The following RBFOX1 variants were observed in gnomAD, a reference collection of about 807,000 sequenced individuals.
RBFOX1 encodes the protein RNA binding fox-1 homolog 1, also known as RNA binding protein fox-1 homolog 1.
In RBFOX1, 8 loss-of-function variants were observed where a neutral mutation model predicts 57.7. The observed-to-expected ratio is 0.14, with a 90% CI of 0.08 to 0.25. The LOEUF is 0.25. Ranked by LOEUF, RBFOX1 falls within the 10% of genes least tolerant of loss-of-function variation. The probability of loss-of-function intolerance (pLI) is 1.00; values close to 1 mark genes in which losing one functional copy is unlikely to be tolerated. For missense variants in RBFOX1, 611 were observed against 548.5 expected, an observed-to-expected ratio of 1.11 and a Z score of -1.14; for synonymous variants, 326 against 222.4, an observed-to-expected ratio of 1.47 and a Z score of -4.15.
rs998671763 is a variant in RBFOX1, at chr16:5,947,826, C to G, written c.351+80491C>G. 2.0e-5 allele frequency among the ~76,000 whole-genome samples: 3 copies of G among 152,164 alleles called. No individual in the cohort carries two copies. The highest frequency in any genetic ancestry group is 2.9e-5 in the Non-Finnish European group (2 of 68,044). On this transcript the variant is annotated intron_variant, in intron 4 of 19. Coordinates refer to the RBFOX1 transcript ENST00000641259. This position sits in a 1 kb window ranked among gnomAD's most constrained non-coding sequence, Gnocchi z 7.2. ...ATGGTGATAATGGAAACCTAAGTTGCTTTTTAAATTTGCTAAAAGTACCTG... is the reference window on the plus strand; with the variant it reads ...ATGGTGATAATGGAAACCTAAGTTGGTTTTTAAATTTGCTAAAAGTACCTG...
intron 4 of RBFOX1, among the ~76,000 whole-genome samples, chr16:7,255,370 A>G (rs2094636291): frequency 6.6e-6 from 1 of 152,208 alleles, no homozygotes; most frequent in Admixed American, 6.5e-5. Flanking sequence ...AATAATAGTG[A>G]CTACTTGGTA....
chr16:7,078,325 C>T (rs983245576), intron 4 of RBFOX1, among the ~76,000 whole-genome samples: 3 of 152,114 alleles, frequency 2.0e-5, no homozygotes, highest in Non-Finnish European at 4.4e-5. Flanking sequence ...AAATGGCTTT[C>T]TCTTGTTTAT....
intron 3 of RBFOX1, among the ~76,000 whole-genome samples, chr16:6,709,685 G>T (rs543698628): frequency 1.1e-4 from 17 of 152,158 alleles, no homozygotes; most frequent in Non-Finnish European, 2.4e-4. Flanking sequence ...GGTGCTGAAG[G>T]GTTTATTGTA....
At chr16:7,290,126 C>T (rs1397750142) in intron 4 of RBFOX1, among the ~76,000 whole-genome samples, 1 of 152,082 alleles carries the variant, frequency 6.6e-6, no homozygotes, top group Middle Eastern at 3.2e-3. Context: ...ATAAATGTTA[C>T]AGAAAATTCC....
intron 3 of RBFOX1, among the ~76,000 whole-genome samples, chr16:6,840,912 AG>A (rs1342445289): frequency 2.6e-5 from 4 of 151,336 alleles, no homozygotes; most frequent in African/African-American, 4.9e-5. Context: ...AAACGAAAAA[AG>A]GTTTGAGAGA....
chr16:7,504,767 A>T (rs1189428173), intron 4 of RBFOX1, among the ~76,000 whole-genome samples: 8 of 11,276 alleles, frequency 7.1e-4, no homozygotes, highest in Admixed American at 2.2e-3. Flanking sequence ...ATATATATAT[A>T]TATTTATATA....
chr16:7,507,207 T>C (rs1204225629), intron 4 of RBFOX1, among the ~76,000 whole-genome samples: 1 of 152,200 alleles, frequency 6.6e-6, no homozygotes, highest in Non-Finnish European at 1.5e-5. Flanking sequence ...CCTATCATAG[T>C]GTTTTTCCAT....
intron 3 of RBFOX1, among the ~76,000 whole-genome samples, chr16:6,863,519 A>T: frequency 6.6e-6 from 1 of 152,072 alleles, no homozygotes; most frequent in Non-Finnish European, 1.5e-5. Context: ...ACTGTGTTTT[A>T]ATACTAATTA....
chr16:7,386,901 C>G (rs543506807), intron 4 of RBFOX1, among the ~76,000 whole-genome samples: 2 of 152,220 alleles, frequency 1.3e-5, no homozygotes, highest in South Asian at 4.2e-4. Context: ...TGTTTTCTGA[C>G]TTTTTAATGA....
At chr16:5,253,815 A>G (rs2062517210) in intron 1 of RBFOX1, among the ~76,000 whole-genome samples, 1 of 152,122 alleles carries the variant, frequency 6.6e-6, no homozygotes, top group South Asian at 2.1e-4. Flanking sequence ...GGGCCTTTGC[A>G]CATCCTGCTC....
Position 6,899,350 on chromosome 16 carries a change from A to C in RBFOX1, c.-15-152707A>C, listed in dbSNP as rs554054001. ...CCTTGCATTCCATTTTCTATTTAGC[A>C]TCAGGCATTTTCTTCTTCCCTAGGC... On this transcript the variant is annotated intron_variant, in intron 3 of 15. Coordinates refer to ENST00000550418, the MANE Select transcript of RBFOX1 (RefSeq NM_018723.4). Among the ~76,000 whole-genome samples the C allele has an allele frequency of 1.3e-4, 20 of 152,270 alleles. No individual in the cohort carries two copies. In the South Asian group the frequency reaches 3.9e-3, roughly 30 times the overall value.
intron 3 of RBFOX1, among the ~76,000 whole-genome samples, chr16:6,766,071 A>G (rs1249750634): frequency 6.6e-6 from 1 of 152,128 alleles, no homozygotes; most frequent in Non-Finnish European, 1.5e-5. Context: ...CCTAGATTTC[A>G]ACACTATGCA....
intron 2 of RBFOX1, among the ~76,000 whole-genome samples, chr16:6,652,340 C>T (rs1362491433): frequency 2.6e-5 from 4 of 151,968 alleles, no homozygotes; most frequent in Non-Finnish European, 2.9e-5. Context: ...CCCAGCTACT[C>T]GGGAGGCTGA....
intron 1 of RBFOX1, among the ~76,000 whole-genome samples, chr16:6,240,017 C>G (rs1598706672): frequency 6.6e-6 from 1 of 152,094 alleles, no homozygotes. Flanking sequence ...TCTCTCAAGG[C>G]TTGGTGCTGT....
At chr16:6,791,175 G>A (rs1413311398) in intron 3 of RBFOX1, among the ~76,000 whole-genome samples, 1 of 152,042 alleles carries the variant, frequency 6.6e-6, no homozygotes, top group African/African-American at 2.4e-5. Flanking sequence ...CCAAAGTGCT[G>A]GGGTTACTGG....
chr16:6,274,683 A>G (rs890597633), intron 1 of RBFOX1, among the ~76,000 whole-genome samples: 30 of 152,202 alleles, frequency 2.0e-4, no homozygotes, highest in African/African-American at 7.0e-4. Context: ...CCCTTGTGGG[A>G]GGAACTAGGT....
At chr16:6,477,687 A>G (rs1253302241) in intron 2 of RBFOX1, among the ~76,000 whole-genome samples, 1 of 152,218 alleles carries the variant, frequency 6.6e-6, no homozygotes, top group Non-Finnish European at 1.5e-5. Context: ...TAAGAGCGTC[A>G]GCTTGTCCTT....
At chr16:6,513,352 G>C (rs978542055) in intron 2 of RBFOX1, among the ~76,000 whole-genome samples, 1 of 151,732 alleles carries the variant, frequency 6.6e-6, no homozygotes, top group Admixed American at 6.6e-5. Context: ...TTTGTGCTTG[G>C]ATAGCATTCC....
intron 1 of RBFOX1, among the ~76,000 whole-genome samples, chr16:5,396,943 C>G (rs1047340227): frequency 1.3e-5 from 2 of 152,206 alleles, no homozygotes; most frequent in African/African-American, 2.4e-5. Context: ...TCAGACACCC[C>G]TGGATATGTT....
Sources: gnomAD v4.1 joint callset for allele counts (sites outside exome capture counted in the v4.1 genomes callset) on GRCh38, gnomAD v4.1.1 for gene constraint, Gnocchi (gnomAD v3.1) non-coding constraint, MANE v1.5 for transcripts, NCBI Gene and HGNC (gene_info 2026-07-23, HGNC 2026-07-21) for gene names.